Variants in THSD4 observed in about 807,000 individuals in gnomAD.
THSD4 encodes thrombospondin type-1 domain-containing protein 4.
THSD4 carries 69 observed loss-of-function variants against 119.0 expected under a neutral mutation model. The ratio of observed to expected loss-of-function variants is 0.58; its 90% CI spans 0.48 to 0.71. The LOEUF (loss-of-function observed/expected upper bound fraction) is 0.71, where lower values mean the gene tolerates loss of function less well. THSD4 is among the 30% of genes least tolerant of loss of function. The pLI is 0.00. For synonymous variants in THSD4, 524 were observed against 540.4 expected, an observed-to-expected ratio of 0.97 and a Z score of 0.42; for missense variants, 1,393 against 1,391.1, an observed-to-expected ratio of 1.00 and a Z score of -0.02.
chr15:71,518,453 T>A (rs1353107625), intron 7 of THSD4, among the ~76,000 whole-genome samples: 2 of 152,192 alleles, frequency 1.3e-5, no homozygotes, highest in Admixed American at 6.5e-5. Flanking sequence ...ATCCTCTGAC[T>A]GGGTTTTGTA....
chr15:71,125,557 G>A (rs1335436492), intron 1 of THSD4, among the ~76,000 whole-genome samples: 2 of 152,314 alleles, frequency 1.3e-5, no homozygotes, highest in Non-Finnish European at 2.9e-5. Flanking sequence ...TTCCCCTCCC[G>A]GGTCACCAGC....
chr15:71,568,500 A>G (rs1281567092), intron 7 of THSD4, among the ~76,000 whole-genome samples: 2 of 152,096 alleles, frequency 1.3e-5, no homozygotes, highest in African/African-American at 4.8e-5. Context: ...AAACAGAAAA[A>G]TAAAGTGCAA....
At chr15:71,693,817 CCATGTAAGA>C (rs1410696360) in intron 8 of THSD4, among the ~76,000 whole-genome samples, 2 of 152,122 alleles carry the variant, frequency 1.3e-5, no homozygotes, top group Non-Finnish European at 1.5e-5. Context: ...TCGCCTGCCA[CCATGTAAGA>C]CATCCCTTTG....
At chr15:71,215,887 A>G (rs1476335375) in intron 4 of THSD4, among the ~76,000 whole-genome samples, 2 of 152,252 alleles carry the variant, frequency 1.3e-5, no homozygotes, top group African/African-American at 4.8e-5. Context: ...AGATTCTGTG[A>G]ACTTTTCTAG....
intron 7 of THSD4, among the ~76,000 whole-genome samples, chr15:71,509,182 G>C (rs1344262643): frequency 6.6e-6 from 1 of 152,146 alleles, no homozygotes; most frequent in African/African-American, 2.4e-5. Flanking sequence ...ATTTAGAAAT[G>C]AGGGAAGGCC....
At chr15:71,563,660 A>T (rs1343796800) in intron 7 of THSD4, among the ~76,000 whole-genome samples, 3 of 152,210 alleles carry the variant, frequency 2.0e-5, no homozygotes, top group African/African-American at 4.8e-5. Flanking sequence ...GGGTCCAAAT[A>T]ACCTGATTGT....
At chr15:71,562,444 A>G (rs2049139854) in intron 7 of THSD4, among the ~76,000 whole-genome samples, 1 of 152,144 alleles carries the variant, frequency 6.6e-6, no homozygotes. Flanking sequence ...ATGATTCATC[A>G]ACATATTATT....
chr15:71,607,137 G>A (rs72740643), intron 7 of THSD4, among the ~76,000 whole-genome samples: 10,373 of 152,214 alleles, frequency 0.068, 421 homozygotes, highest in Middle Eastern at 0.095. Context: ...CCAGAGAGCC[G>A]TTATGCCTAA....
chr15:71,507,705 C>T (rs2048211822), intron 7 of THSD4, among the ~76,000 whole-genome samples: 1 of 152,160 alleles, frequency 6.6e-6, no homozygotes, highest in African/African-American at 2.4e-5. Flanking sequence ...CTTTGGACTC[C>T]ATATCCTTTG....
intron 5 of THSD4, among the ~76,000 whole-genome samples, chr15:71,248,380 T>G (rs1456581799): frequency 3.3e-5 from 5 of 152,162 alleles, no homozygotes; most frequent in Non-Finnish European, 7.3e-5. Flanking sequence ...TTCAACACTT[T>G]CTTTTAGGTG....
At chr15:71,602,810 T>G (rs1394406705) in intron 7 of THSD4, among the ~76,000 whole-genome samples, 1 of 152,214 alleles carries the variant, frequency 6.6e-6, no homozygotes, top group Non-Finnish European at 1.5e-5. Context: ...TAGTTTTGAC[T>G]GTTGTACCAC....
At chr15:71,298,953 A>G (rs1198184297) in intron 6 of THSD4, among the ~76,000 whole-genome samples, 1 of 152,304 alleles carries the variant, frequency 6.6e-6, no homozygotes, top group East Asian at 1.9e-4. Flanking sequence ...TGGCTGGAGA[A>G]GCAGAACCTT....
intron 1 of THSD4, among the ~76,000 whole-genome samples, chr15:71,135,991 GTTTTTTTTTTTT>G (rs10540241): frequency 2.9e-5 from 2 of 69,126 alleles, no homozygotes; most frequent in Admixed American, 1.9e-4. Context: ...GTTTAGTTTA[GTTTTTTTTTTTT>G]TTTTTTTTTT....
intron 4 of THSD4, among the ~76,000 whole-genome samples, chr15:71,215,896 A>G (rs993083640): frequency 2.0e-5 from 3 of 152,368 alleles, no homozygotes; most frequent in Middle Eastern, 3.4e-3. Context: ...GAACTTTTCT[A>G]GTAAGTTTCT....
intron 7 of THSD4, among the ~76,000 whole-genome samples, chr15:71,631,700 C>T (rs535606864): frequency 9.2e-5 from 14 of 152,308 alleles, no homozygotes; most frequent in African/African-American, 2.2e-4. Context: ...TCCTTGGCTA[C>T]GCGGTTCCAG....
At chr15:71,740,866 TGCAAAGAACAGGTAG>T (rs141562343) in intron 11 of THSD4, among the ~76,000 whole-genome samples, 7,947 of 152,212 alleles carry the variant, frequency 0.052, 668 homozygotes, top group African/African-American at 0.18. Context: ...TTCCTGATTC[TGCAAAGAACAGGTAG>T]GCATTTCATC....
At chr15:71,594,702 A>G (rs1157866190) in intron 7 of THSD4, among the ~76,000 whole-genome samples, 2 of 152,228 alleles carry the variant, frequency 1.3e-5, no homozygotes, top group Non-Finnish European at 2.9e-5. Flanking sequence ...ACCTCCATGT[A>G]TCGAACAAGC....
At chr15:71,160,311 C>G (rs1049237749) in intron 3 of THSD4, among the ~76,000 whole-genome samples, 1 of 152,094 alleles carries the variant, frequency 6.6e-6, no homozygotes, top group South Asian at 2.1e-4. Context: ...GTTTTGGAAT[C>G]AGGATAATGC....
chr15:71,338,733 T>G (rs1162780627), intron 6 of THSD4, among the ~76,000 whole-genome samples: 1 of 152,114 alleles, frequency 6.6e-6, no homozygotes, highest in Non-Finnish European at 1.5e-5. Flanking sequence ...ACTGGCCTCT[T>G]GCAGCAACAG....
Sources: gnomAD v4.1 joint callset for allele counts (sites outside exome capture counted in the v4.1 genomes callset) on GRCh38, gnomAD v4.1.1 for gene constraint, MANE v1.5 for transcripts, NCBI Gene and HGNC (gene_info 2026-07-23, HGNC 2026-07-21) for gene names.